Variants in ZSCAN18 observed in about 807,000 individuals in gnomAD.
The protein encoded by ZSCAN18 is zinc finger and SCAN domain-containing protein 18.
Under a neutral mutation model 31.1 loss-of-function variants are expected in ZSCAN18, and 16 were observed. That is an observed-to-expected ratio of 0.51 (90% CI 0.35 to 0.78). The LOEUF is 0.78. Ranked by LOEUF, ZSCAN18 falls within the 30% of genes least tolerant of loss-of-function variation. The probability of loss-of-function intolerance (pLI) is 0.01; values close to 1 mark genes in which losing one functional copy is unlikely to be tolerated. For synonymous variants in ZSCAN18, 375 were observed against 320.7 expected, an observed-to-expected ratio of 1.17 and a Z score of -1.81; for missense variants, 731 against 697.4, an observed-to-expected ratio of 1.05 and a Z score of -0.54.
intron 1 of ZSCAN18, among the ~76,000 whole-genome samples, chr19:58,095,140 C>T (rs1453155616): frequency 1.3e-5 from 2 of 152,118 alleles, no homozygotes; most frequent in Non-Finnish European, 2.9e-5. Context: ...TGATGGGAGG[C>T]GTGACGCCAG....
At chr19:58,091,142 G>A (rs2074401983) in intron 1 of ZSCAN18, among the ~76,000 whole-genome samples, 1 of 151,348 alleles carries the variant, frequency 6.6e-6, no homozygotes. Flanking sequence ...GGTGGTGGGT[G>A]CCTGTATTCC....
rs1330853622 is a variant in ZSCAN18 at position 58,085,368 on chromosome 19, G to A, written c.850C>T (p.Arg284Trp). 1.3e-6 allele frequency: 2 copies of A among 1,588,764 alleles called. No individual in the cohort carries two copies. Among genetic ancestry groups the A allele is most frequent in the East Asian group, 4.5e-5 (2 of 44,538 alleles). ...QGSSLPEGGRRQESAGCACEE... is the reference protein window; with the variant it reads ...QGSSLPEGGRWQESAGCACEE... ...CAGGCGCACCCAGCGCTCTCCTGCC[G>A]CCTCCCGCCTTCTGGAACAAGGTCA... Residue 284 changes from arginine to tryptophan, a missense_variant, in exon 7 of 7, where the codon CGG (arginine) becomes TGG (tryptophan). Arg to Trp is a moderately radical substitution (Grantham distance 101, BLOSUM62 -3). Around this residue, in one of 4 missense-constraint regions of ZSCAN18, gnomAD observed 597 missense variants for 499.5 expected, o/e 1.20. Coordinates refer to ENST00000601144, the MANE Select transcript of ZSCAN18 (RefSeq NM_001145543.2).
At chr19:58,116,858 TGTG>T (rs1179358089) in intron 1 of ZSCAN18, among the ~76,000 whole-genome samples, 1 of 151,796 alleles carries the variant, frequency 6.6e-6, no homozygotes, top group Non-Finnish European at 1.5e-5. Context: ...AGAGTAGAGG[TGTG>T]GTGATGTGGC....
chr19:58,099,964 G>GTTGTTT (rs367808513), upstream of ZSCAN18, among the ~76,000 whole-genome samples: 3 of 136,114 alleles, frequency 2.2e-5, no homozygotes, highest in African/African-American at 5.4e-5. Context: ...TGAAAGCTAT[G>GTTGTTT]TTTTTTTTTT....
Position 58,090,422 on chromosome 19 carries a change from A to C in ZSCAN18, c.-119-36T>G, listed in dbSNP as rs1237016532. 2 of 1,470,492 alleles carry C rather than the reference A, an allele frequency of 1.4e-6. No homozygotes were observed. Among genetic ancestry groups the C allele is most frequent in the South Asian group, 2.8e-5 (2 of 71,120 alleles). The allele number at this position is 1,470,492 out of a possible 1,614,324, so 91.1% of individuals were successfully genotyped here. ...CACGGACAAGGCAATGGCCTTGCAT[A>C]AGGCCAGGGCGCAGCCACCCCAGCT... On this transcript the variant is annotated intron_variant, in intron 1 of 6. Transcript: ENST00000601144. The surrounding 1 kb of genome is among the most constrained non-coding windows in gnomAD (Gnocchi z 4.7).
chr19:58,086,754 G>T, intron 5 of ZSCAN18, 152 bp downstream of exon 5: 1 of 601,944 alleles, frequency 1.7e-6, no homozygotes, highest in Non-Finnish European at 2.9e-6. Flanking sequence ...GGGGGCTTCA[G>T]CGAATAAATT....
At position 58,085,126 on chromosome 19, in the gene ZSCAN18, C is replaced by A. The variant is rs549321719; in HGVS notation, c.1092G>T (p.Thr364=). ...VIQQPAPDRG[T]AKLGTKRPHP... ...GCGGCCTCTTGGTTCCCAGTTTCGCCGTGCCCCTGTCCGGGGCAGGCTGCT... is the reference window on the plus strand; with the variant it reads ...GCGGCCTCTTGGTTCCCAGTTTCGCAGTGCCCCTGTCCGGGGCAGGCTGCT... The change falls in exon 7 of 7, where the codon ACG becomes ACT. Residue 364 remains threonine, a synonymous_variant. Transcript: ENST00000601144. The A allele has an allele frequency of 1.2e-6, 2 of 1,608,354 alleles. No individual in the cohort carries two copies. Among genetic ancestry groups the A allele is most frequent in the East Asian group, 2.2e-5 (1 of 44,786 alleles).
At chr19:58,118,149 A>G (rs1012796973) in intron 1 of ZSCAN18, 2 of 457,036 alleles carry the variant, frequency 4.4e-6, no homozygotes, top group Non-Finnish European at 7.6e-6. Flanking sequence ...GGGAACCACA[A>G]GCCAGCGCCC....
intron 1 of ZSCAN18, chr19:58,107,940 G>T: frequency 9.3e-7 from 1 of 1,074,058 alleles, no homozygotes. Context: ...CTTCTCACCA[G>T]TATGAGTCCT....
In ZSCAN18 at chr19:58,084,558, G is replaced by A; in HGVS notation, c.*127C>T. ...CGCTTAGCCTCAGGAGCGGATTCAG[G>A]GCACAGGCAGAGGACGTCCACAAAC... On this transcript the variant is annotated 3_prime_UTR_variant, in exon 7 of 7. Transcript: ENST00000601144. This position sits in a 1 kb window ranked among gnomAD's most constrained non-coding sequence, Gnocchi z 4.5. 7 of 963,346 alleles carry A rather than the reference G, an allele frequency of 7.3e-6. No homozygotes were observed. The highest frequency in any genetic ancestry group is 1.0e-5 in the Non-Finnish European group (7 of 694,392). 59.7% of individuals were successfully genotyped at this position (963,346 alleles called of 1,614,324 possible).
upstream of ZSCAN18, among the ~76,000 whole-genome samples, chr19:58,103,037 G>A (rs12976842): frequency 0.56 from 85,093 of 151,616 alleles, 25,796 homozygotes; most frequent in Non-Finnish European, 0.68. Flanking sequence ...CAGCAGAATC[G>A]CTTGAACCTG....
At position 58,086,740 on chromosome 19, in the gene ZSCAN18, G is replaced by A. The variant is rs1273744223; in HGVS notation, c.745+166C>T. The A allele has an allele frequency of 5.1e-6, 3 of 593,166 alleles. No individual in the cohort carries two copies. The African/African-American group carries it at 5.6e-5, about 11-fold the overall frequency. 36.7% of individuals were successfully genotyped at this position (593,166 alleles called of 1,614,324 possible). ...AGAACTCAGATGTTTAGATCAGAAA[G>A]GGTGGGGGCTTCAGCGAATAAATTC... On this transcript the variant is annotated intron_variant, in intron 5 of 6. Transcript: ENST00000601144.
intron 3 of ZSCAN18, chr19:58,088,176 A>C (rs2074323946): frequency 1.3e-5 from 2 of 154,734 alleles, no homozygotes; most frequent in Non-Finnish European, 2.9e-5. Context: ...GGGCAGCTTC[A>C]CTCCAAGGGG....
chr19:58,099,971 T>TTTTTC (rs1468786391), upstream of ZSCAN18, among the ~76,000 whole-genome samples: 19 of 150,910 alleles, frequency 1.3e-4, no homozygotes, highest in African/African-American at 4.4e-4. Flanking sequence ...TATGTTTTTT[T>TTTTTC]TTTTTTTGAG....
At chr19:58,107,034 A>G (rs912121375) in intron 1 of ZSCAN18, among the ~76,000 whole-genome samples, 11 of 151,520 alleles carry the variant, frequency 7.3e-5, no homozygotes, top group African/African-American at 2.7e-4. Flanking sequence ...AAGTGCTGGG[A>G]TTACAGGCGT....
rs2145959965 is a variant in ZSCAN18 at position 58,084,919 on chromosome 19, G to A, written c.1299C>T (p.Ser433=). ...CGTAGCGCTTCCGGCCGCCATGGCTGCTGTGGTGCTCCATCAGGTGCGAGA... is the reference window on the plus strand; with the variant it reads ...CGTAGCGCTTCCGGCCGCCATGGCTACTGTGGTGCTCCATCAGGTGCGAGA... ...AWLSHLMEHH[S]SHGGRKRYAC... Residue 433 remains serine, a synonymous_variant, in exon 7 of 7, where the codon AGC becomes AGT. Transcript: ENST00000601144. The surrounding 1 kb of genome is among the most constrained non-coding windows in gnomAD (Gnocchi z 4.5). The A allele has an allele frequency of 6.3e-7, 1 of 1,595,874 alleles. No individual in the cohort carries two copies. Among genetic ancestry groups the A allele is most frequent in the Non-Finnish European group, 8.5e-7 (1 of 1,173,358 alleles).
chr19:58,084,809 G>A lies in ZSCAN18; in HGVS notation c.1409C>T (p.Ala470Val). The change falls in exon 7 of 7, where the codon GCG becomes GTG. Residue 470 changes from alanine (A) to valine (V), a missense_variant. Transcript: ENST00000601144. This position sits in a 1 kb window ranked among gnomAD's most constrained non-coding sequence, Gnocchi z 4.5. ...QKTHEKEKSY[A>V]LGGARGPQPS... ...TTGGGGGCCCCGGGCGCCCCCCAGC[G>A]CGTAGCTTTTCTCCTTCTCGTGGGT... 6.3e-7 allele frequency: 1 copy of A among 1,586,770 alleles called. No individual in the cohort carries two copies. The highest frequency in any genetic ancestry group is 1.1e-5 in the South Asian group (1 of 88,238).
intron 1 of ZSCAN18, chr19:58,108,480 C>A (rs933670): frequency 4.1e-6 from 4 of 985,762 alleles, no homozygotes; most frequent in Non-Finnish European, 4.8e-6. Flanking sequence ...GGAGCCAGCA[C>A]TGAAGGCTTT....
At chr19:58,105,889 G>A (rs973707539) in intron 1 of ZSCAN18, among the ~76,000 whole-genome samples, 4 of 152,148 alleles carry the variant, frequency 2.6e-5, no homozygotes, top group African/African-American at 9.6e-5. Flanking sequence ...TGAGGCATCA[G>A]GATCGCCTGA....
Sources: allele counts gnomAD v4.1 joint callset (sites outside exome capture counted in the v4.1 genomes callset), GRCh38; gene constraint gnomAD v4.1.1; regional missense constraint gnomAD v4.1.1; non-coding constraint Gnocchi (gnomAD v3.1); transcripts MANE v1.5; gene names NCBI Gene and HGNC (gene_info 2026-07-23, HGNC 2026-07-21).